Variants in SDC3 observed in about 807,000 individuals in gnomAD.
SDC3 encodes syndecan 3.
In SDC3, 13 loss-of-function variants were observed where a neutral mutation model predicts 24.4. The observed-to-expected ratio is 0.53, with a 90% CI of 0.35 to 0.85. The LOEUF is 0.85. Among genes scored for constraint, SDC3 ranks in the 40% least tolerant of loss-of-function variants. SDC3 has a pLI of 0.01. For missense variants in SDC3, 571 were observed against 584.5 expected (o/e 0.98, Z 0.24); for synonymous variants, 295 against 260.9 (o/e 1.13, Z -1.26).
chr1:30,901,459 G>A (rs1372411086), intron 1 of SDC3, among the ~76,000 whole-genome samples: 2 of 152,176 alleles, frequency 1.3e-5, no homozygotes, highest in African/African-American at 2.4e-5. Flanking sequence ...CAAATAACAA[G>A]GCCTCTCTGG....
At chr1:30,886,736 G>C (rs1639834669) in intron 1 of SDC3, among the ~76,000 whole-genome samples, 2 of 152,164 alleles carry the variant, frequency 1.3e-5, no homozygotes, top group South Asian at 4.1e-4. Flanking sequence ...TTCTGGAAAA[G>C]GCTGGGCCAT....
intron 1 of SDC3, among the ~76,000 whole-genome samples, chr1:30,906,910 G>A (rs1029028631): frequency 4.6e-5 from 7 of 152,168 alleles, no homozygotes; most frequent in African/African-American, 1.7e-4. Flanking sequence ...CCCCACTTAG[G>A]GGAGAGCTGG....
chr1:30,869,556 A>AAACAAAAAAAAAAAAAAAAAAAAAAC lies in SDC3; in HGVS notation c.*3654_*3655insGTTTTTTTTTTTTTTTTTTTTTTGTT, dbSNP rs1557509290. 1 of 346,446 alleles carries AAACAAAAAAAAAAAAAAAAAAAAAAC rather than the reference A, an allele frequency of 2.9e-6. No homozygotes were observed. The highest frequency in any genetic ancestry group is 2.5e-5 in the African/African-American group (1 of 40,148). 21.5% of individuals were successfully genotyped at this position (346,446 alleles called of 1,614,324 possible). ...ACAAACAAAAAAAAAAAAAAAAAAA[A>AAACAAAAAAAAAAAAAAAAAAAAAAC]AAAAACAAAAACAAAACCAGTTCCT... On this transcript the variant is annotated 3_prime_UTR_variant, in exon 5 of 5. Coordinates refer to ENST00000339394, the MANE Select transcript of SDC3 (RefSeq NM_014654.4).
Position 30,893,110 on chromosome 1 carries a change from C to T in SDC3, c.139-14370G>A, listed in dbSNP as rs1467103908. On this transcript the variant is annotated intron_variant, in intron 1 of 4. Transcript: ENST00000339394. The stretch of plus-strand genomic sequence containing the variant: ...TAGACACAACACGGGACACACATCC[C>T]TGTAAACATGGAAAGGCAAAAGGGA... Among the ~76,000 whole-genome samples, 4 of 152,296 alleles carry T rather than the reference C, an allele frequency of 2.6e-5. No homozygotes were observed. In the East Asian group the frequency reaches 7.7e-4, roughly 29 times the overall value.
chr1:30,905,960 G>GACACACACAGACAC, intron 1 of SDC3, among the ~76,000 whole-genome samples: 1 of 147,472 alleles, frequency 6.8e-6, no homozygotes, highest in South Asian at 2.2e-4. Context: ...AAGACACGAA[G>GACACACACAGACAC]ACACACACAC....
Position 30,874,449 on chromosome 1 carries a change from C to A in SDC3, c.1010G>T (p.Gly337Val). 6.2e-7 allele frequency: 1 copy of A among 1,614,180 alleles called. No individual in the cohort carries two copies. Among genetic ancestry groups the A allele is most frequent in the Middle Eastern group, 1.6e-4 (1 of 6,062 alleles). ...AGATGATGCCTTGGCCGCAGCCCCTCCCACAGCTACCACCTCATTGGCTGT... is the reference window on the plus strand; with the variant it reads ...AGATGATGCCTTGGCCGCAGCCCCTACCACAGCTACCACCTCATTGGCTGT... ...PDTANEVVAV[G>V]GAAAKASSPP... The change falls in exon 4 of 5, where the codon GGA (glycine) becomes GTA (valine). Residue 337 changes from glycine (G) to valine (V), a missense_variant. Gly to Val is a moderately radical substitution (Grantham distance 109). Coordinates refer to ENST00000339394, the MANE Select transcript of SDC3 (RefSeq NM_014654.4).
chr1:30,905,388 CG>C (rs1638500786), intron 1 of SDC3, among the ~76,000 whole-genome samples: 1 of 143,612 alleles, frequency 7.0e-6, no homozygotes, highest in Non-Finnish European at 1.5e-5. Context: ...CACACACACA[CG>C]TCTCCCACCC....
intron 1 of SDC3, 79 bp from the exon 2 acceptor site, chr1:30,878,819 CCTTGTGGGCTGAGTGA>C: frequency 8.8e-7 from 1 of 1,133,116 alleles, no homozygotes; most frequent in Admixed American, 1.8e-5. Flanking sequence ...CGACAGGTGC[CCTTGTGGGCTGAGTGA>C]CATCCACGTG....
At chr1:30,884,275 AC>A (rs36080877) in intron 1 of SDC3, among the ~76,000 whole-genome samples, 7,495 of 147,586 alleles carry the variant, frequency 0.051, 674 homozygotes, top group African/African-American at 0.18. Context: ...AACACCACAG[AC>A]CCCCCCCAAG....
chr1:30,906,160 C>T (rs559999538), intron 1 of SDC3, among the ~76,000 whole-genome samples: 11 of 152,322 alleles, frequency 7.2e-5, no homozygotes, highest in South Asian at 6.2e-4. Flanking sequence ...TGCGGAACCC[C>T]GGCAACCAGG....
At chr1:30,877,363 C>G (rs1639663577) in intron 2 of SDC3, 198 bp from the exon 3 acceptor site, 3 of 719,638 alleles carry the variant, frequency 4.2e-6, no homozygotes, top group Non-Finnish European at 6.9e-6. Context: ...CCCAACTTCT[C>G]TCTGCCAAGT....
chr1:30,908,267 G>A (rs371874107), intron 1 of SDC3, among the ~76,000 whole-genome samples, 182 bp downstream of exon 1: 1 of 147,562 alleles, frequency 6.8e-6, no homozygotes, highest in Non-Finnish European at 1.5e-5. Flanking sequence ...AGGGGGGGGA[G>A]CAGGGTGCAG....
chr1:30,902,271 GC>G, intron 1 of SDC3, among the ~76,000 whole-genome samples: 1 of 152,358 alleles, frequency 6.6e-6, no homozygotes, highest in Middle Eastern at 3.4e-3. Context: ...CCACTGCTGG[GC>G]CCTCAGCCAT....
At chr1:30,894,120 A>T (rs1440739037) in intron 1 of SDC3, among the ~76,000 whole-genome samples, 2 of 151,332 alleles carry the variant, frequency 1.3e-5, no homozygotes, top group Non-Finnish European at 2.9e-5. Context: ...GAGCCCCAGC[A>T]GTGTGTGTGT....
At position 30,874,337 on chromosome 1, in the gene SDC3, C is replaced by G. The variant is rs567570989; in HGVS notation, c.1122G>C (p.Leu374=). The G allele has an allele frequency of 3.1e-6, 5 of 1,613,264 alleles. No individual in the cohort carries two copies. In the African/African-American group the frequency reaches 6.7e-5, roughly 21 times the overall value. The stretch of plus-strand genomic sequence containing the variant: ...TCCGCTCCAGGATACTCTTCTGAGG[C>G]AGCTGAGCAGCTGAGCTGCCCGAGT... ...AIDSGSSAAQ[L]PQKSILERKE... is the part of the protein sequence containing the mutation. Residue 374 remains leucine (L), a synonymous_variant, in exon 4 of 5, where the codon CTG becomes CTC. Transcript: ENST00000339394.
At chr1:30,904,989 C>T (rs1454617394) in intron 1 of SDC3, among the ~76,000 whole-genome samples, 1 of 152,204 alleles carries the variant, frequency 6.6e-6, no homozygotes, top group East Asian at 1.9e-4. Context: ...GGAAATCACA[C>T]AGCAGGTGTC....
At chr1:30,903,110 T>C (rs1638446618) in intron 1 of SDC3, among the ~76,000 whole-genome samples, 1 of 152,118 alleles carries the variant, frequency 6.6e-6, no homozygotes, top group African/African-American at 2.4e-5. Context: ...CCCCACCAAG[T>C]CACACCCCAT....
At position 30,874,565 on chromosome 1, in the gene SDC3, C is replaced by A; in HGVS notation, c.894G>T (p.Leu298=). 1 of 1,614,104 alleles carries A rather than the reference C, an allele frequency of 6.2e-7. No homozygotes were observed. Among genetic ancestry groups the A allele is most frequent in the South Asian group, 1.1e-5 (1 of 91,054 alleles). Residue 298 remains leucine, a synonymous_variant, in exon 4 of 5, where the codon CTG becomes CTT. Transcript: ENST00000339394. ...CCTCTGGCTCATCCCGGATTGTGGT[C>A]AGGAAGGTCTCTGGAGTTGGGGTCT... ...VAQTPTPETF[L]TTIRDEPEVP...
intron 1 of SDC3, among the ~76,000 whole-genome samples, chr1:30,879,635 T>G (rs1199731898): frequency 6.6e-6 from 1 of 152,132 alleles, no homozygotes; most frequent in Non-Finnish European, 1.5e-5. Context: ...GAATGGGGAC[T>G]GAGCAGGGAC....
Sources: allele counts gnomAD v4.1 joint callset (sites outside exome capture counted in the v4.1 genomes callset), GRCh38; gene constraint gnomAD v4.1.1; transcripts MANE v1.5; gene names NCBI Gene and HGNC (gene_info 2026-07-23, HGNC 2026-07-21).